Variants in FAM98C observed in about 807,000 individuals in gnomAD.
FAM98C encodes the protein protein FAM98C.
A neutral mutation model predicts 41.1 loss-of-function variants in FAM98C; 38 were observed. The observed-to-expected ratio is 0.92, with a 90% CI of 0.71 to 1.21. The LOEUF (loss-of-function observed/expected upper bound fraction) is 1.21, where lower values mean the gene tolerates loss of function less well. Among genes scored for constraint, FAM98C ranks in the 50% most tolerant of loss-of-function variants. The probability of loss-of-function intolerance (pLI) is 0.00; values close to 1 mark genes in which losing one functional copy is unlikely to be tolerated. For missense variants in FAM98C, 493 were observed against 484.7 expected (o/e 1.02, Z -0.16); for synonymous variants, 195 against 216.7 (o/e 0.90, Z 0.88).
chr19:38,403,189 C>A lies in FAM98C; in HGVS notation c.36C>A (p.Ala12=). 6.5e-7 allele frequency: 1 copy of A among 1,539,614 alleles called. No individual in the cohort carries two copies. The highest frequency in any genetic ancestry group is 8.7e-7 in the Non-Finnish European group (1 of 1,153,962). The change falls in exon 1 of 8, where the codon GCC becomes GCA. Residue 12 remains alanine (A), a synonymous_variant. Transcript: ENST00000252530. ...EAVKAEAWEG[A]AVAQDLLALG... ...TGAAGGCGGAAGCGTGGGAGGGGGC[C>A]GCGGTGGCCCAGGACCTGCTGGCTC...
Position 38,403,440 on chromosome 19 carries a change from C to G in FAM98C, c.168C>G (p.Leu56=), listed in dbSNP as rs1970994023. Residue 56 remains leucine (L), a synonymous_variant, in exon 2 of 8, where the codon CTC becomes CTG. Transcript: ENST00000252530. ...CGGAGCTGGCGACGCTGGGCGCCCT[C>G]GAGCAGCAGCGAGAGGCGGGCGCGG... ...LAAELATLGA[L]EQQREAGAEV... 2.1e-6 allele frequency: 3 copies of G among 1,413,498 alleles called. No individual in the cohort carries two copies. The highest frequency in any genetic ancestry group is 3.5e-5 in the Admixed American group (1 of 28,624). The allele number at this position is 1,413,498 out of a possible 1,614,324, so 87.6% of individuals were successfully genotyped here. A position where few individuals can be genotyped will look rare whatever the true frequency, so the allele number is the denominator to read the frequency against.
Position 38,403,233 on chromosome 19 carries a change from G to T in FAM98C, c.65+15G>T. The T allele has an allele frequency of 6.4e-7, 1 of 1,558,136 alleles. No individual in the cohort carries two copies. On this transcript the variant is annotated intron_variant, in intron 1 of 7. Coordinates refer to ENST00000252530, the MANE Select transcript of FAM98C (RefSeq NM_174905.4). ...CTGGCTCTGGGGTAAAAGGGTGTGC[G>T]GTGAGGCTGGTGGGTGCAGGAAGGC... is the stretch of plus-strand genomic sequence containing the variant.
chr19:38,407,135 A>AGCCTCTGC, intron 7 of FAM98C, 58 bp downstream of exon 7: 1 of 1,586,268 alleles, frequency 6.3e-7, no homozygotes, highest in South Asian at 1.1e-5. Context: ...TTGGCCTTTC[A>AGCCTCTGC]GCCTCTGCTC....
In FAM98C at chr19:38,408,784, C is replaced by A. The variant is rs758571821; in HGVS notation, c.952C>A (p.Arg318Ser). 3.1e-6 allele frequency: 5 copies of A among 1,613,824 alleles called. No individual in the cohort carries two copies. The African/African-American group carries it at 6.7e-5, about 22-fold the overall frequency. ...GGGCAACGTTCCAGACCGGGGGGGC[C>A]GCCCAAATGAGCTGGAGCCTCCCAT... ...LMGNVPDRGG[R>S]PNELEPPMPT... Residue 318 changes from arginine (R) to serine (S), a missense_variant, in exon 8 of 8, where the codon CGC (arginine) becomes AGC (serine). Transcript: ENST00000252530.
At position 38,405,708 on chromosome 19, in the gene FAM98C, T is replaced by G. The variant is rs1474398943; in HGVS notation, c.750+73T>G. On this transcript the variant is annotated intron_variant, in intron 6 of 7. Transcript: ENST00000252530. ...GGGCTGCAGTTGCAGGGAGGAGGAATGAGGGCCAGGAGTATCACCCTCTTG... is the reference window on the plus strand; with the variant it reads ...GGGCTGCAGTTGCAGGGAGGAGGAAGGAGGGCCAGGAGTATCACCCTCTTG... The G allele has an allele frequency of 2.8e-6, 4 of 1,429,434 alleles. No individual in the cohort carries two copies. In the Admixed American group the frequency reaches 6.7e-5, roughly 24 times the overall value. 88.5% of individuals were successfully genotyped at this position (1,429,434 alleles called of 1,614,324 possible). A position where few individuals can be genotyped will look rare whatever the true frequency, so the allele number is the denominator to read the frequency against.
At chr19:38,406,442 A>G (rs1339278173) in intron 6 of FAM98C, 1 of 154,382 alleles carries the variant, frequency 6.5e-6, no homozygotes, top group Non-Finnish European at 1.4e-5. Flanking sequence ...GATTGCAGGC[A>G]TGAGCCACCA....
chr19:38,405,956 A>C (rs1971034873), intron 6 of FAM98C: 1 of 258,970 alleles, frequency 3.9e-6, no homozygotes, highest in African/African-American at 2.2e-5. Context: ...TCCCGGGTTC[A>C]AGTGATTCTC....
chr19:38,403,529 C>A, intron 2 of FAM98C, 31 bp from the exon 3 acceptor site: 1 of 1,444,366 alleles, frequency 6.9e-7, no homozygotes, highest in Non-Finnish European at 9.0e-7. Flanking sequence ...CGCCACGGGG[C>A]CACCGAGCCC....
In FAM98C at chr19:38,406,965, C is replaced by T. The variant is rs769880116; in HGVS notation, c.806C>T (p.Pro269Leu). The T allele has an allele frequency of 1.2e-6, 2 of 1,614,180 alleles. No individual in the cohort carries two copies. Among genetic ancestry groups the T allele is most frequent in the South Asian group, 1.1e-5 (1 of 91,088 alleles). ...ATCCCAATTCGAGAGGTTCTGACCC[C>T]AGAATCGGACATCTCCATTGCACAC... ...VLIPIREVLT[P>L]ESDISIAHVL... is the part of the protein sequence containing the mutation. The change falls in exon 7 of 8, where the codon CCA (proline) becomes CTA (leucine). Residue 269 changes from proline (P) to leucine (L), a missense_variant. Physicochemically the swap from Pro to Leu is moderately conservative, Grantham distance 98. Transcript: ENST00000252530.
Position 38,404,956 on chromosome 19 carries a change from C to G in FAM98C, c.398C>G (p.Ser133Cys). 1 of 1,614,166 alleles carries G rather than the reference C, an allele frequency of 6.2e-7. No homozygotes were observed. Among genetic ancestry groups the G allele is most frequent in the South Asian group, 1.1e-5 (1 of 91,080 alleles). The change falls in exon 4 of 8, where the codon TCT (serine) becomes TGT (cysteine). Residue 133 changes from serine to cysteine, a missense_variant. Coordinates refer to ENST00000252530, the MANE Select transcript of FAM98C (RefSeq NM_174905.4). ...LQATRLLCLR[S>C]LLDPSPRPPL... is the part of the protein sequence containing the mutation. ...GCCACCCGCCTCCTGTGCCTCCGCT[C>G]TCTGCTGGATCCGAGTCCTAGGCCA...
chr19:38,406,001 C>T (rs904238405), intron 6 of FAM98C: 5 of 212,186 alleles, frequency 2.4e-5, no homozygotes, highest in Non-Finnish European at 3.9e-5. Flanking sequence ...GGATTACGGG[C>T]ACATGCCACC....
At chr19:38,403,843 G>A (rs1971002021) in intron 3 of FAM98C, 149 bp downstream of exon 3, 2 of 823,904 alleles carry the variant, frequency 2.4e-6, no homozygotes, top group Middle Eastern at 4.0e-4. Flanking sequence ...GCATGTTGGG[G>A]CAAGCAGAGC....
At position 38,409,073 on chromosome 19, in the gene FAM98C, T is replaced by A; in HGVS notation, c.*191T>A. 2.0e-6 allele frequency: 1 copy of A among 512,060 alleles called. No homozygotes were observed. Among genetic ancestry groups the A allele is most frequent in the Non-Finnish European group, 3.2e-6 (1 of 315,304 alleles). 31.7% of individuals were successfully genotyped at this position (512,060 alleles called of 1,614,324 possible). A position where few individuals can be genotyped will look rare whatever the true frequency, so the allele number is the denominator to read the frequency against. ...AACCATGTTCTCCAGAGAATAAATT[T>A]AATTTATGACAGCTGTAGGACCTCT... On this transcript the variant is annotated 3_prime_UTR_variant, in exon 8 of 8. Coordinates refer to ENST00000252530, the MANE Select transcript of FAM98C (RefSeq NM_174905.4).
Position 38,403,463 on chromosome 19 carries a change from C to T in FAM98C, c.191C>T (p.Ala64Val). 7.1e-7 allele frequency: 1 copy of T among 1,404,272 alleles called. No homozygotes were observed. Among genetic ancestry groups the T allele is most frequent in the Non-Finnish European group, 9.2e-7 (1 of 1,090,682 alleles). The allele number at this position is 1,404,272 out of a possible 1,614,324, so 87.0% of individuals were successfully genotyped here. A position where few individuals can be genotyped will look rare whatever the true frequency, so the allele number is the denominator to read the frequency against. Residue 64 changes from alanine (A) to valine (V), a missense_variant, in exon 2 of 8, where the codon GCG becomes GTG. Transcript: ENST00000252530. ...CTCGAGCAGCAGCGAGAGGCGGGCG[C>T]GGAGGTGCTGAGCGCCGGCGACGGT... is the stretch of plus-strand genomic sequence containing the variant. ...GALEQQREAG[A>V]EVLSAGDGPG...
intron 4 of FAM98C, 87 bp downstream of exon 4, chr19:38,405,200 T>G (rs1971021690): frequency 2.6e-6 from 4 of 1,521,482 alleles, no homozygotes; most frequent in Non-Finnish European, 3.6e-6. Flanking sequence ...GGAAGGAGTA[T>G]TCCAACCACT....
rs1052703764 is a variant in FAM98C at position 38,403,556 on chromosome 19, G to T, written c.215-4G>T. On this transcript the variant is annotated splice_polypyrimidine_tract_variant and splice_region_variant and intron_variant, in intron 2 of 7. Transcript: ENST00000252530. ...ACCGAGCCCTGACACCCCTGTCCTC[G>T]CAGGCCCTGGCGCGGAGGAGGACTT... 1.6e-5 allele frequency: 24 copies of T among 1,490,938 alleles called. No homozygotes were observed. Among genetic ancestry groups the T allele is most frequent in the Non-Finnish European group, 2.1e-5 (24 of 1,129,278 alleles). The allele number at this position is 1,490,938 out of a possible 1,614,324, so 92.4% of individuals were successfully genotyped here. A position where few individuals can be genotyped will look rare whatever the true frequency, so the allele number is the denominator to read the frequency against.
chr19:38,405,438 C>A lies in FAM98C; in HGVS notation c.633+17C>A. Reference sequence around the variant, plus strand: ...CCCAGATGGGTAAGACTGTGTGCGACTGACTGAATGTGAACTGTGTCCTCA... The same window carrying A: ...CCCAGATGGGTAAGACTGTGTGCGAATGACTGAATGTGAACTGTGTCCTCA... On this transcript the variant is annotated intron_variant, in intron 5 of 7. Transcript: ENST00000252530. 6.2e-7 allele frequency: 1 copy of A among 1,614,114 alleles called. No homozygotes were observed. Among genetic ancestry groups the A allele is most frequent in the Non-Finnish European group, 8.5e-7 (1 of 1,179,962 alleles).
rs201418056 is a variant in FAM98C at position 38,405,371 on chromosome 19, C to T, written c.583C>T (p.Pro195Ser). The change falls in exon 5 of 8, where the codon CCA becomes TCA. Residue 195 changes from proline to serine, a missense_variant. Coordinates refer to ENST00000252530, the MANE Select transcript of FAM98C (RefSeq NM_174905.4). ...CTCAGAGCTGCAGCCTTCTCTGCCCCCAGGGTCCCTGCAGCCCCTCCTCAG... is the reference window on the plus strand; with the variant it reads ...CTCAGAGCTGCAGCCTTCTCTGCCCTCAGGGTCCCTGCAGCCCCTCCTCAG... The part of the protein sequence containing the change: ...KISELQPSLP[P>S]GSLQPLLSCS... 1.1e-5 allele frequency: 17 copies of T among 1,613,950 alleles called. No individual in the cohort carries two copies. The highest frequency in any genetic ancestry group is 1.4e-5 in the Non-Finnish European group (17 of 1,180,020).
At chr19:38,404,529 G>A (rs953052303) in intron 3 of FAM98C, among the ~76,000 whole-genome samples, 2 of 151,988 alleles carry the variant, frequency 1.3e-5, no homozygotes, top group East Asian at 1.9e-4. Context: ...TTTTAAAGCC[G>A]GTGGAGCCTC....
Sources: allele counts gnomAD v4.1 joint callset (sites outside exome capture counted in the v4.1 genomes callset), GRCh38; gene constraint gnomAD v4.1.1; transcripts MANE v1.5; gene names NCBI Gene and HGNC (gene_info 2026-07-23, HGNC 2026-07-21).